Variants in DMRT1 observed in about 807,000 individuals in gnomAD.
The protein encoded by DMRT1 is doublesex and mab-3 related transcription factor 1, also known as doublesex- and mab-3-related transcription factor 1.
DMRT1 carries 7 observed loss-of-function variants against 32.3 expected under a neutral mutation model. That is an observed-to-expected ratio of 0.22 (90% CI 0.12 to 0.41). DMRT1 has a LOEUF of 0.41. Ranked by LOEUF, DMRT1 falls within the 10% of genes least tolerant of loss-of-function variation. The pLI is 1.00. For missense variants in DMRT1, 625 were observed against 500.5 expected (o/e 1.25, Z -2.37); for synonymous variants, 278 against 206.1 (o/e 1.35, Z -2.99).
chr9:872,111 G>T (rs1050426553), intron 2 of DMRT1, among the ~76,000 whole-genome samples: 1 of 151,170 alleles, frequency 6.6e-6, no homozygotes, highest in Non-Finnish European at 1.5e-5. Flanking sequence ...ACCCAGGCTG[G>T]AGTGCAGTGG....
rs1817262303 is a variant in DMRT1, at chr9:894,171, T to C, written c.798T>C (p.Pro266=). ...GGGGCCTCCCCGGACCTTATGTGCC[T>C]GGTCAGACAGGAAACCAGTGGCAGG... is the stretch of plus-strand genomic sequence containing the variant. ...SLRGLPGPYV[P]GQTGNQWQMK... is the part of the protein sequence containing the mutation. The change falls in exon 3 of 5, where the codon CCT becomes CCC. Residue 266 remains proline, a synonymous_variant. Coordinates refer to ENST00000382276, the MANE Select transcript of DMRT1 (RefSeq NM_021951.3). 3 of 1,613,866 alleles carry C rather than the reference T, an allele frequency of 1.9e-6. No homozygotes were observed. The highest frequency in any genetic ancestry group is 1.7e-5 in the Admixed American group (1 of 60,034).
At chr9:890,347 T>C (rs1439068184) in intron 2 of DMRT1, among the ~76,000 whole-genome samples, 1 of 152,046 alleles carries the variant, frequency 6.6e-6, no homozygotes, top group Non-Finnish European at 1.5e-5. Flanking sequence ...AATAATGGCA[T>C]TGGAATGTCT....
chr9:962,934 T>C (rs279901), intron 4 of DMRT1, among the ~76,000 whole-genome samples: 130,712 of 152,088 alleles, frequency 0.86, 56,414 homozygotes, highest in East Asian at 1. Flanking sequence ...TGACATGCTG[T>C]AGAAGGATGC....
chr9:869,166 G>A (rs1816122377), intron 2 of DMRT1, among the ~76,000 whole-genome samples: 1 of 152,088 alleles, frequency 6.6e-6, no homozygotes, highest in Admixed American at 6.6e-5. Context: ...ATTTTTATCC[G>A]GGGGCGGAAC....
intron 2 of DMRT1, among the ~76,000 whole-genome samples, chr9:873,520 T>A (rs748725914): frequency 2.0e-5 from 3 of 152,022 alleles, no homozygotes; most frequent in Non-Finnish European, 4.4e-5. Flanking sequence ...GGTTTCATCT[T>A]GTTGGCCAGG....
In DMRT1 at chr9:841,721, G is replaced by T; in HGVS notation, c.-118G>T. 1 of 1,542,782 alleles carries T rather than the reference G, an allele frequency of 6.5e-7. No homozygotes were observed. The highest frequency in any genetic ancestry group is 8.7e-7 in the Non-Finnish European group (1 of 1,145,506). ...CACTCCAGCTGCGCCTCCGGCTGCA[G>T]CGCACACGTCTCCTGCGCCTCCTCC... On this transcript the variant is annotated 5_prime_UTR_variant, in exon 1 of 5. Coordinates refer to ENST00000382276, the MANE Select transcript of DMRT1 (RefSeq NM_021951.3).
chr9:947,160 G>C (rs749111455), intron 4 of DMRT1, among the ~76,000 whole-genome samples: 3 of 152,190 alleles, frequency 2.0e-5, no homozygotes, highest in Admixed American at 6.5e-5. Context: ...GTCCAAGCTT[G>C]TCCATCCCAC....
intron 4 of DMRT1, among the ~76,000 whole-genome samples, chr9:949,871 G>A (rs562806312): frequency 2.3e-4 from 35 of 152,212 alleles, no homozygotes; most frequent in African/African-American, 5.5e-4. Context: ...GGTTCATTCC[G>A]TTGCAAATGG....
chr9:842,232 T>TG (rs1838716788), intron 1 of DMRT1, 40 bp downstream of exon 1: 5 of 706,312 alleles, frequency 7.1e-6, no homozygotes, highest in Non-Finnish European at 9.1e-6. Flanking sequence ...CAGCCTTAGT[T>TG]TTTTTTTTTT....
intron 2 of DMRT1, among the ~76,000 whole-genome samples, chr9:882,944 G>A (rs1816789841): frequency 6.6e-6 from 1 of 151,470 alleles, no homozygotes; most frequent in Non-Finnish European, 1.5e-5. Flanking sequence ...GCTAATTTTT[G>A]TATTTTTAGT....
In DMRT1 at chr9:942,858, C is replaced by A. The variant is rs570610158; in HGVS notation, c.968-25127C>A. Among the ~76,000 whole-genome samples, 3 of 150,772 alleles carry A rather than the reference C, an allele frequency of 2.0e-5. No individual in the cohort carries two copies. In the East Asian group the frequency reaches 5.8e-4, roughly 29 times the overall value. ...TATTTATTTCTATTTTTTTTTCAAT[C>A]CTCACAAAAAACACTGGGGTGTTAT... On this transcript the variant is annotated intron_variant, in intron 4 of 4. Transcript: ENST00000382276.
At chr9:867,114 G>A (rs920179554) in intron 2 of DMRT1, among the ~76,000 whole-genome samples, 3 of 152,102 alleles carry the variant, frequency 2.0e-5, no homozygotes. Flanking sequence ...GAGGGAGAGA[G>A]ATTATTTACA....
At chr9:857,962 T>A (rs1815475152) in intron 2 of DMRT1, among the ~76,000 whole-genome samples, 1 of 152,074 alleles carries the variant, frequency 6.6e-6, no homozygotes. Flanking sequence ...GAACTCATCC[T>A]TTTTTATGGC....
At chr9:914,180 T>A (rs4237171) in intron 3 of DMRT1, among the ~76,000 whole-genome samples, 36,045 of 152,114 alleles carry the variant, frequency 0.24, 6,281 homozygotes, top group African/African-American at 0.49. Context: ...TAGTGGCTTC[T>A]TAATGGGCTC....
At chr9:929,018 T>C (rs1399326341) in intron 4 of DMRT1, among the ~76,000 whole-genome samples, 1 of 151,972 alleles carries the variant, frequency 6.6e-6, no homozygotes, top group African/African-American at 2.4e-5. Context: ...TTTGTATTTT[T>C]AGTATAGATG....
At chr9:945,436 A>T (rs1031649106) in intron 4 of DMRT1, among the ~76,000 whole-genome samples, 2 of 152,216 alleles carry the variant, frequency 1.3e-5, no homozygotes, top group African/African-American at 4.8e-5. Context: ...GATTACAGGC[A>T]TGAGCCACCG....
chr9:888,169 A>G (rs760656885), intron 2 of DMRT1, among the ~76,000 whole-genome samples: 3 of 152,256 alleles, frequency 2.0e-5, no homozygotes, highest in African/African-American at 4.8e-5. Context: ...TGGTTAGAAT[A>G]AATGAAGAAA....
intron 4 of DMRT1, among the ~76,000 whole-genome samples, chr9:935,071 A>G (rs1249407694): frequency 1.3e-5 from 2 of 152,228 alleles, no homozygotes. Flanking sequence ...AGCAGTGAGA[A>G]TAGTAGTGCA....
intron 2 of DMRT1, among the ~76,000 whole-genome samples, chr9:853,951 A>G (rs903248660): frequency 6.6e-6 from 1 of 151,456 alleles, no homozygotes; most frequent in South Asian, 2.1e-4. Context: ...GCACGCTATC[A>G]TGCCTGGCTA....
Sources: gnomAD v4.1 joint callset for allele counts (sites outside exome capture counted in the v4.1 genomes callset) on GRCh38, gnomAD v4.1.1 for gene constraint, MANE v1.5 for transcripts, NCBI Gene and HGNC (gene_info 2026-07-23, HGNC 2026-07-21) for gene names.